ARPP21: variants seen among roughly 807,000 people sequenced by gnomAD.
ARPP21 encodes the protein cAMP regulated phosphoprotein 21, also known as cAMP-regulated phosphoprotein 21.
A neutral mutation model predicts 113.2 loss-of-function variants in ARPP21; 69 were observed. The observed-to-expected ratio is 0.61, with a 90% CI of 0.50 to 0.74. The LOEUF is 0.74. Ranked by LOEUF, ARPP21 falls within the 30% of genes least tolerant of loss-of-function variation. The pLI is 0.00. For synonymous variants in ARPP21, 368 were observed against 375.5 expected, an observed-to-expected ratio of 0.98 and a Z score of 0.23; for missense variants, 1,070 against 1,037.4, an observed-to-expected ratio of 1.03 and a Z score of -0.43.
intron 15 of ARPP21, among the ~76,000 whole-genome samples, chr3:35,734,781 T>C (rs2094231537): frequency 6.6e-6 from 1 of 152,198 alleles, no homozygotes; most frequent in South Asian, 2.1e-4. Flanking sequence ...CCCAACCTGC[T>C]CCATTTTACT....
At chr3:35,711,135 T>A (rs369873206) in intron 11 of ARPP21, among the ~76,000 whole-genome samples, 1 of 152,198 alleles carries the variant, frequency 6.6e-6, no homozygotes, top group African/African-American at 2.4e-5. Context: ...GCCTCCCTAG[T>A]GGCCAGCTCT....
intron 1 of ARPP21, among the ~76,000 whole-genome samples, 178 bp downstream of exon 1, chr3:35,640,576 G>A (rs907880364): frequency 6.6e-6 from 1 of 151,962 alleles, no homozygotes; most frequent in Non-Finnish European, 1.5e-5. Context: ...TTTATGTTTC[G>A]TCAAGGAGGG....
intron 3 of ARPP21, chr3:35,682,623 A>T (rs778618232): frequency 2.2e-6 from 1 of 447,680 alleles, no homozygotes; most frequent in Admixed American, 4.1e-5. Flanking sequence ...AATAGTTGTT[A>T]TAAACAGAAA....
intron 1 of ARPP21, chr3:35,642,073 A>G (rs960113474): frequency 2.8e-4 from 43 of 152,196 alleles, no homozygotes; most frequent in African/African-American, 8.4e-4. Flanking sequence ...ATACAGCTAA[A>G]GAAACTGACT....
chr3:35,688,799 G>A (rs1355773365), intron 6 of ARPP21, among the ~76,000 whole-genome samples: 1 of 151,492 alleles, frequency 6.6e-6, no homozygotes, highest in Non-Finnish European at 1.5e-5. Context: ...GACAGCATTA[G>A]GATATTTAAA....
At chr3:35,712,965 AAT>A (rs1350703135) in intron 11 of ARPP21, among the ~76,000 whole-genome samples, 4 of 152,146 alleles carry the variant, frequency 2.6e-5, no homozygotes, top group African/African-American at 9.7e-5. Context: ...TTTGTGTATA[AAT>A]AGAGATTCAG....
chr3:35,684,711 A>C (rs1397306099), intron 5 of ARPP21: 2 of 983,414 alleles, frequency 2.0e-6, no homozygotes, highest in African/African-American at 3.5e-5. Flanking sequence ...AAATACTCTG[A>C]ATTCCCCTCA....
chr3:35,783,284 G>A (rs897966650), intron 19 of ARPP21, among the ~76,000 whole-genome samples: 2 of 152,008 alleles, frequency 1.3e-5, no homozygotes, highest in Non-Finnish European at 2.9e-5. Context: ...CAGGCTGTTT[G>A]TCTGAGCCCC....
intron 17 of ARPP21, 116 bp from the exon 18 acceptor site, chr3:35,739,201 T>C: frequency 8.2e-7 from 1 of 1,218,786 alleles, no homozygotes; most frequent in Non-Finnish European, 1.2e-6. Flanking sequence ...TTTTTCCAAA[T>C]TGTACTTCCT....
At chr3:35,783,736 G>A (rs1053001170) in intron 19 of ARPP21, among the ~76,000 whole-genome samples, 1 of 152,032 alleles carries the variant, frequency 6.6e-6, no homozygotes. Flanking sequence ...CAGTTTTATA[G>A]CACGCTTTTC....
chr3:35,704,241 T>C (rs2087740710), intron 9 of ARPP21, among the ~76,000 whole-genome samples: 1 of 151,826 alleles, frequency 6.6e-6, no homozygotes, highest in South Asian at 2.1e-4. Context: ...TTTGCATAAT[T>C]TGTATTGGGA....
rs113409673 is a variant in ARPP21, at chr3:35,673,235, C to T, written c.-212-6552C>T. On this transcript the variant is annotated intron_variant, in intron 1 of 20. Transcript: ENST00000684406. ...AGCATACATCCGTTTCTGCTAATCTCTCTCTGCCCTCTGTCCCTCCCTTTT... is the reference window on the plus strand; with the variant it reads ...AGCATACATCCGTTTCTGCTAATCTTTCTCTGCCCTCTGTCCCTCCCTTTT... Among the ~76,000 whole-genome samples the T allele has an allele frequency of 4.2e-3, 646 of 152,180 alleles. 6 individuals carry two copies. The highest frequency in any genetic ancestry group is 0.015 in the African/African-American group (614 of 41,568).
At chr3:35,687,994 T>C in intron 6 of ARPP21, 111 bp downstream of exon 6, 1 of 987,390 alleles carries the variant, frequency 1.0e-6, no homozygotes, top group Non-Finnish European at 1.5e-6. Flanking sequence ...CTGCATATGA[T>C]TCTATACGTG....
chr3:35,644,569 G>A (rs759779858), intron 1 of ARPP21, among the ~76,000 whole-genome samples: 29 of 151,996 alleles, frequency 1.9e-4, no homozygotes, highest in Non-Finnish European at 3.7e-4. Flanking sequence ...CATTTTGAAT[G>A]CACCTTTCTC....
intron 1 of ARPP21, among the ~76,000 whole-genome samples, chr3:35,660,421 G>T (rs933500470): frequency 2.6e-5 from 4 of 152,110 alleles, no homozygotes; most frequent in Non-Finnish European, 4.4e-5. Context: ...CTCTTACTCT[G>T]CTTCCACCCC....
chr3:35,730,668 A>G (rs2093897759), intron 15 of ARPP21, among the ~76,000 whole-genome samples: 1 of 152,256 alleles, frequency 6.6e-6, no homozygotes, highest in Non-Finnish European at 1.5e-5. Context: ...AGCTAAACTC[A>G]AAAATGCAAA....
chr3:35,660,379 G>A (rs969366878), intron 1 of ARPP21, among the ~76,000 whole-genome samples: 11 of 151,852 alleles, frequency 7.2e-5, no homozygotes, highest in African/African-American at 2.4e-4. Context: ...TCTGCCTCTG[G>A]GCCCCATCCT....
intron 10 of ARPP21, chr3:35,707,426 A>G (rs1227246337): frequency 2.0e-6 from 1 of 494,274 alleles, no homozygotes; most frequent in African/African-American, 1.9e-5. Context: ...CTGTGTAACT[A>G]TGGCAGTCGT....
chr3:35,725,909 GC>G (rs2093496942), intron 14 of ARPP21, among the ~76,000 whole-genome samples: 1 of 152,112 alleles, frequency 6.6e-6, no homozygotes, highest in African/African-American at 2.4e-5. Context: ...CAGGGCCCTG[GC>G]CCCCGTCTGT....
Sources: gnomAD v4.1 joint callset for allele counts (sites outside exome capture counted in the v4.1 genomes callset) on GRCh38, gnomAD v4.1.1 for gene constraint, MANE v1.5 for transcripts, NCBI Gene and HGNC (gene_info 2026-07-23, HGNC 2026-07-21) for gene names.